Variants in MYBPC2 observed in about 807,000 individuals in gnomAD.
MYBPC2 encodes myosin binding protein C2.
Under a neutral mutation model 137.0 loss-of-function variants are expected in MYBPC2, and 122 were observed. The ratio of observed to expected loss-of-function variants is 0.89; its 90% CI spans 0.77 to 1.03. The LOEUF is 1.03. Ranked by LOEUF, MYBPC2 falls within the 50% of genes least tolerant of loss-of-function variation. The probability of loss-of-function intolerance (pLI) is 0.00; values close to 1 mark genes in which losing one functional copy is unlikely to be tolerated. For missense variants in MYBPC2, 1,500 were observed against 1,534.4 expected (o/e 0.98, Z 0.37); for synonymous variants, 626 against 612.3 (o/e 1.02, Z -0.33).
intron 24 of MYBPC2, among the ~76,000 whole-genome samples, chr19:50,460,675 G>T (rs1278646449): frequency 6.6e-6 from 1 of 152,214 alleles, no homozygotes; most frequent in Non-Finnish European, 1.5e-5. Flanking sequence ...AGGGTGCCGG[G>T]TGTGTCCATG....
Position 50,461,939 on chromosome 19 carries a change from T to TC in MYBPC2, c.3133dup (p.Arg1045ProfsTer46). On this transcript the variant is annotated frameshift_variant, in exon 26 of 28. Transcript: ENST00000357701. LOFTEE classifies it high-confidence loss of function. ...CCGTTCGAGTATAAGGAGCATGACT[T>TC]CCGGATGGCTCCCAAGTTCCTGACA... 6.3e-7 allele frequency: 1 copy of TC among 1,593,306 alleles called. No individual in the cohort carries two copies. The highest frequency in any genetic ancestry group is 1.3e-5 in the African/African-American group (1 of 74,622).
rs570772864 is a variant in MYBPC2 at position 50,457,965 on chromosome 19, C to A, written c.2339-622C>A. On this transcript the variant is annotated intron_variant, in intron 20 of 27. Transcript: ENST00000357701. ...GAAGTGCTGGGATTACAAGCATGAG[C>A]CACGGGATTACAAGCATGTTAGGGA... Among the ~76,000 whole-genome samples the A allele has an allele frequency of 2.0e-5, 3 of 151,582 alleles. No individual in the cohort carries two copies. The East Asian group carries it at 6.0e-4, about 30-fold the overall frequency.
chr19:50,436,520 T>TGAGGACGTG, intron 4 of MYBPC2, 97 bp from the exon 5 acceptor site: 1 of 1,104,362 alleles, frequency 9.1e-7, no homozygotes, highest in South Asian at 1.4e-5. Flanking sequence ...GGGGTGGGGG[T>TGAGGACGTG]GAGGACGTGG....
rs751162254 is a variant in MYBPC2 at position 50,442,165 on chromosome 19, A to G, written c.770-16A>G. 3.1e-5 allele frequency: 49 copies of G among 1,579,328 alleles called. No individual in the cohort carries two copies. In the South Asian group the frequency reaches 3.3e-4, roughly 10 times the overall value. ...GACCACACGCCTCCATCCCCTTTGC[A>G]TGCCTCAATCTTCAGCATTCACAAA... On this transcript the variant is annotated splice_polypyrimidine_tract_variant and intron_variant, in intron 8 of 27. Coordinates refer to ENST00000357701, the MANE Select transcript of MYBPC2 (RefSeq NM_004533.4).
rs1426475855 is a variant in MYBPC2, at chr19:50,454,340, C to T, written c.1985C>T (p.Pro662Leu). ...TGGGCCATCCTTGTCTGGGAGCCAC[C>T]AATGTACGATGGGGGGAAGCCAGTC... ...EDWAILVWEP[P>L]MYDGGKPVTG... Residue 662 changes from proline (P) to leucine (L), a missense_variant, in exon 18 of 28, where the codon CCA (proline) becomes CTA (leucine). Pro to Leu is a moderately conservative substitution (Grantham distance 98). Coordinates refer to ENST00000357701, the MANE Select transcript of MYBPC2 (RefSeq NM_004533.4). 3.1e-6 allele frequency: 5 copies of T among 1,612,428 alleles called. No homozygotes were observed. Among genetic ancestry groups the T allele is most frequent in the Admixed American group, 1.7e-5 (1 of 59,822 alleles).
chr19:50,441,910 G>A (rs186878930), intron 8 of MYBPC2, among the ~76,000 whole-genome samples: 137 of 151,894 alleles, frequency 9.0e-4, no homozygotes, highest in African/African-American at 3.2e-3. Context: ...AAATAAAGCT[G>A]TTTTCTTCTA....
chr19:50,450,049 C>T (rs1479334147), intron 13 of MYBPC2, among the ~76,000 whole-genome samples: 5 of 151,976 alleles, frequency 3.3e-5, no homozygotes, highest in South Asian at 2.1e-4. Context: ...CCCAGCTACT[C>T]GGGAGGCTGG....
rs946021346 is a variant in MYBPC2, at chr19:50,459,230, C to A, written c.2715C>A (p.Ser905=). Residue 905 remains serine, a synonymous_variant, in exon 23 of 28, where the codon TCC becomes TCA. Transcript: ENST00000357701. ...TVFFVRQAAR[S]DSGEYELSVQ... ...TCTTCGTGCGCCAGGCGGCCCGCTC[C>A]GACTCCGGGGAGTACGAGCTGAGCG... The A allele has an allele frequency of 6.2e-7, 1 of 1,611,196 alleles. No individual in the cohort carries two copies. Among genetic ancestry groups the A allele is most frequent in the African/African-American group, 1.3e-5 (1 of 74,732 alleles).
In MYBPC2 at chr19:50,458,925, C is replaced by A; in HGVS notation, c.2514C>A (p.Pro838=). 1 of 1,611,624 alleles carries A rather than the reference C, an allele frequency of 6.2e-7. No individual in the cohort carries two copies. Among genetic ancestry groups the A allele is most frequent in the East Asian group, 2.2e-5 (1 of 44,802 alleles). The change falls in exon 22 of 28, where the codon CCC becomes CCA. Residue 838 remains proline (P), a synonymous_variant. Transcript: ENST00000357701. ...PVTIREIAEP[P]KIRLPRHLRQ... The stretch of plus-strand genomic sequence containing the variant: ...CTGTGTTTGCGCCCTCAGAGCCACC[C>A]AAGATCCGGCTTCCCCGCCATCTCC...
intron 1 of MYBPC2, among the ~76,000 whole-genome samples, chr19:50,433,411 G>GTT (rs1259523607): frequency 1.8e-5 from 2 of 110,126 alleles, no homozygotes; most frequent in Non-Finnish European, 3.7e-5. Flanking sequence ...TTTGGTTTTT[G>GTT]GTTTTTTTTT....
intron 20 of MYBPC2, among the ~76,000 whole-genome samples, chr19:50,455,948 T>C (rs2039906377): frequency 6.6e-6 from 1 of 152,156 alleles, no homozygotes; most frequent in Admixed American, 6.6e-5. Flanking sequence ...TTCTACTCAT[T>C]TATCCATCTA....
intron 12 of MYBPC2, among the ~76,000 whole-genome samples, chr19:50,447,427 T>TA (rs1238067616): frequency 6.6e-6 from 1 of 151,928 alleles, no homozygotes; most frequent in Non-Finnish European, 1.5e-5. Context: ...TATCTAGCCA[T>TA]AAAAAAAGAG....
At chr19:50,442,782 C>T (rs12973553) in intron 9 of MYBPC2, among the ~76,000 whole-genome samples, 83,378 of 151,472 alleles carry the variant, frequency 0.55, 22,997 homozygotes, top group South Asian at 0.6. Flanking sequence ...AATTAATTAC[C>T]TAATTTTGTT....
At chr19:50,436,256 G>C (rs1048422147) in intron 4 of MYBPC2, 96 bp downstream of exon 4, 4 of 1,481,504 alleles carry the variant, frequency 2.7e-6, no homozygotes, top group Non-Finnish European at 3.6e-6. Context: ...ATCAATGTGG[G>C]CCTGGAGCCG....
At chr19:50,454,699 T>C (rs1017637218) in intron 18 of MYBPC2, among the ~76,000 whole-genome samples, 10 of 152,178 alleles carry the variant, frequency 6.6e-5, no homozygotes, top group Non-Finnish European at 1.5e-4. Flanking sequence ...GTGCTGGGAT[T>C]ACAGGTGTCA....
Position 50,443,514 on chromosome 19 carries a change from G to C in MYBPC2, c.923G>C (p.Gly308Ala), listed in dbSNP as rs778915860. ...ATCAGGTACGTGTTTGAGAACGTTG[G>C]TAAGAAGCGAATTCTTACCATCAAC... ...PSSKYVFENV[G>A]KKRILTINKC... Residue 308 changes from glycine (G) to alanine (A), a missense_variant, in exon 10 of 28, where the codon GGT becomes GCT. By Grantham distance (60) the Gly-to-Ala change is moderately conservative. Transcript: ENST00000357701. 2 of 1,613,300 alleles carry C rather than the reference G, an allele frequency of 1.2e-6. No homozygotes were observed. Among genetic ancestry groups the C allele is most frequent in the Non-Finnish European group, 1.7e-6 (2 of 1,179,656 alleles).
At chr19:50,448,591 C>T (rs1202316738) in intron 13 of MYBPC2, among the ~76,000 whole-genome samples, 3 of 152,032 alleles carry the variant, frequency 2.0e-5, no homozygotes, top group Non-Finnish European at 4.4e-5. Context: ...GCCTCAGCCT[C>T]CCAAGTAGCT....
intron 24 of MYBPC2, among the ~76,000 whole-genome samples, chr19:50,460,547 T>G (rs2039962788): frequency 6.6e-6 from 1 of 152,200 alleles, no homozygotes; most frequent in Non-Finnish European, 1.5e-5. Context: ...CGATTTGCTT[T>G]CTGTCTCCCT....
chr19:50,443,405 G>C, intron 9 of MYBPC2, 89 bp from the exon 10 acceptor site: 2 of 1,498,872 alleles, frequency 1.3e-6, no homozygotes, highest in South Asian at 2.6e-5. Flanking sequence ...GAGAGAGAGA[G>C]AGACTTGCCT....
Sources: gnomAD v4.1 joint callset for allele counts (sites outside exome capture counted in the v4.1 genomes callset) on GRCh38, gnomAD v4.1.1 for gene constraint, MANE v1.5 for transcripts, NCBI Gene and HGNC (gene_info 2026-07-23, HGNC 2026-07-21) for gene names.